The following ADARB2 variants were observed in gnomAD, a reference collection of about 807,000 sequenced individuals.
The protein encoded by ADARB2 is adenosine deaminase RNA specific B2 (inactive), also known as inactive double-stranded RNA-specific editase B2.
A neutral mutation model predicts 62.2 loss-of-function variants in ADARB2; 25 were observed. The ratio of observed to expected loss-of-function variants is 0.40; its 90% CI spans 0.29 to 0.56. ADARB2 has a LOEUF of 0.56. Ranked by LOEUF, ADARB2 falls within the 20% of genes least tolerant of loss-of-function variation. ADARB2 has a pLI of 0.43. For synonymous variants in ADARB2, 572 were observed against 500.8 expected (o/e 1.14, Z -1.90); for missense variants, 1,071 against 1,077.4 (o/e 0.99, Z 0.08).
intron 2 of ADARB2, among the ~76,000 whole-genome samples, chr10:1,376,201 G>A (rs1460891741): frequency 1.3e-5 from 2 of 152,208 alleles, no homozygotes; most frequent in Admixed American, 6.5e-5. Flanking sequence ...TTCATTTGCC[G>A]GTTTGTCTTT....
At chr10:1,607,176 C>T (rs149990553) in intron 1 of ADARB2, among the ~76,000 whole-genome samples, 1,806 of 152,328 alleles carry the variant, frequency 0.012, 46 homozygotes, top group African/African-American at 0.041. Context: ...ATTTTCTTCT[C>T]GCAAGTGGCT....
At chr10:1,487,609 T>C (rs192635848) in intron 1 of ADARB2, among the ~76,000 whole-genome samples, 99 of 152,326 alleles carry the variant, frequency 6.5e-4, no homozygotes, top group South Asian at 1.2e-3. Flanking sequence ...TTGGGATATC[T>C]GACTTATTCC....
At chr10:1,348,712 G>T (rs565706239) in intron 3 of ADARB2, among the ~76,000 whole-genome samples, 1 of 152,298 alleles carries the variant, frequency 6.6e-6, no homozygotes, top group East Asian at 1.9e-4. Context: ...TCCAGGTCCC[G>T]ACTGCTGGCT....
chr10:1,508,067 C>T (rs560579460), intron 1 of ADARB2, among the ~76,000 whole-genome samples: 25 of 152,282 alleles, frequency 1.6e-4, no homozygotes, highest in South Asian at 1.2e-3. Flanking sequence ...ACACAATTCC[C>T]GAGTGGTGCG....
At chr10:1,679,598 T>C (rs958674477) in intron 1 of ADARB2, among the ~76,000 whole-genome samples, 3 of 152,154 alleles carry the variant, frequency 2.0e-5, no homozygotes, top group African/African-American at 7.2e-5. Context: ...TGAGGTGTTT[T>C]TATGTTAATG....
intron 1 of ADARB2, among the ~76,000 whole-genome samples, chr10:1,602,969 C>T (rs1833441570): frequency 6.6e-6 from 1 of 151,770 alleles, no homozygotes; most frequent in African/African-American, 2.4e-5. Flanking sequence ...CACACACAGA[C>T]ACACATCAAC....
At chr10:1,666,179 A>T (rs1311435636) in intron 1 of ADARB2, among the ~76,000 whole-genome samples, 1 of 152,260 alleles carries the variant, frequency 6.6e-6, no homozygotes, top group Non-Finnish European at 1.5e-5. Context: ...TCAGGGCTGC[A>T]TAGAACCGGG....
At chr10:1,317,238 A>G (rs1048344131) in intron 3 of ADARB2, among the ~76,000 whole-genome samples, 1 of 152,242 alleles carries the variant, frequency 6.6e-6, no homozygotes, top group Non-Finnish European at 1.5e-5. Context: ...AGGCAGGCAG[A>G]CATAATTTAA....
intron 1 of ADARB2, among the ~76,000 whole-genome samples, chr10:1,650,200 C>T (rs1412615467): frequency 6.6e-6 from 1 of 152,212 alleles, no homozygotes; most frequent in African/African-American, 2.4e-5. Flanking sequence ...GGCAGCTCTA[C>T]AAAGAGTGAG....
At chr10:1,285,487 G>A (rs1831404659) in intron 3 of ADARB2, among the ~76,000 whole-genome samples, 1 of 152,212 alleles carries the variant, frequency 6.6e-6, no homozygotes, top group South Asian at 2.1e-4. Context: ...CCGGCTGCAC[G>A]TTGGACCAGC....
chr10:1,370,978 A>G (rs1208042414), intron 2 of ADARB2, among the ~76,000 whole-genome samples: 1 of 152,282 alleles, frequency 6.6e-6, no homozygotes. Context: ...AACCAAAAAC[A>G]GACCCTGAAT....
intron 6 of ADARB2, among the ~76,000 whole-genome samples, chr10:1,225,797 G>T (rs1010158813): frequency 1.3e-5 from 2 of 151,598 alleles, no homozygotes; most frequent in Admixed American, 6.6e-5. Context: ...GTCTGATGGG[G>T]TCCCTTTGTG....
chr10:1,505,317 G>T (rs1198903799), intron 1 of ADARB2, among the ~76,000 whole-genome samples: 2 of 151,996 alleles, frequency 1.3e-5, no homozygotes, highest in Non-Finnish European at 2.9e-5. Flanking sequence ...TGTATGTGAT[G>T]ATGACGCTGA....
chr10:1,372,794 C>T (rs761321267), intron 2 of ADARB2, among the ~76,000 whole-genome samples: 1 of 152,058 alleles, frequency 6.6e-6, no homozygotes, highest in Non-Finnish European at 1.5e-5. Flanking sequence ...TTATTCTTGC[C>T]GGTCATAATT....
chr10:1,524,614 A>G (rs1362098185), intron 1 of ADARB2, among the ~76,000 whole-genome samples: 2 of 152,178 alleles, frequency 1.3e-5, no homozygotes, highest in African/African-American at 4.8e-5. Context: ...TTTGGTTTTC[A>G]CAGGAATCTA....
rs555063587 is a variant in ADARB2 at position 1,386,731 on chromosome 10, A to G, written c.101-7571T>C. On this transcript the variant is annotated intron_variant, in intron 1 of 9. Transcript: ENST00000381312. ...TTTGAGATTTTAACATTCCTCCCCT[A>G]GTTACTGATAGAACAAGTAGTGAGA... Among the ~76,000 whole-genome samples the G allele has an allele frequency of 2.6e-5, 4 of 152,048 alleles. No individual in the cohort carries two copies. The South Asian group carries it at 8.3e-4, about 32-fold the overall frequency.
chr10:1,465,700 A>C (rs1394794867), intron 1 of ADARB2, among the ~76,000 whole-genome samples: 3 of 152,220 alleles, frequency 2.0e-5, no homozygotes, highest in Non-Finnish European at 4.4e-5. Context: ...CTAATGAGGC[A>C]CGTGATGTAT....
intron 1 of ADARB2, among the ~76,000 whole-genome samples, chr10:1,736,198 G>A (rs1360130882): frequency 6.6e-6 from 1 of 152,218 alleles, no homozygotes; most frequent in Non-Finnish European, 1.5e-5. Flanking sequence ...GGCATGAGAA[G>A]AATCTTTTAA....
chr10:1,480,569 G>A (rs1036873996), intron 1 of ADARB2, among the ~76,000 whole-genome samples: 3 of 152,122 alleles, frequency 2.0e-5, no homozygotes, highest in Non-Finnish European at 2.9e-5. Flanking sequence ...GTGGTGGCTG[G>A]CACCTGTAGT....
Sources: allele counts gnomAD v4.1 joint callset (sites outside exome capture counted in the v4.1 genomes callset), GRCh38; gene constraint gnomAD v4.1.1; transcripts MANE v1.5; gene names NCBI Gene and HGNC (gene_info 2026-07-23, HGNC 2026-07-21).